STK32B: variants seen among roughly 807,000 people sequenced by gnomAD.
STK32B encodes serine/threonine kinase 32B, also known as serine/threonine-protein kinase 32B.
A neutral mutation model predicts 52.6 loss-of-function variants in STK32B; 43 were observed. That is an observed-to-expected ratio of 0.82 (90% CI 0.64 to 1.05). The LOEUF is 1.05. STK32B is among the 50% of genes least tolerant of loss of function. The pLI is 0.00. For missense variants in STK32B, 621 were observed against 534.6 expected, an observed-to-expected ratio of 1.16 and a Z score of -1.59; for synonymous variants, 238 against 204.3, an observed-to-expected ratio of 1.17 and a Z score of -1.41.
intron 1 of STK32B, among the ~76,000 whole-genome samples, chr4:5,061,934 G>A (rs2108758868): frequency 6.6e-6 from 1 of 152,212 alleles, no homozygotes. Context: ...CCTTTCTCCT[G>A]GATATTTGTC....
At chr4:5,260,767 G>T (rs1453384609) in intron 3 of STK32B, among the ~76,000 whole-genome samples, 1 of 152,172 alleles carries the variant, frequency 6.6e-6, no homozygotes, top group African/African-American at 2.4e-5. Flanking sequence ...ATGGAAGTTA[G>T]CAAGAAGGAG....
intron 4 of STK32B, among the ~76,000 whole-genome samples, chr4:5,360,576 G>A (rs935013188): frequency 6.6e-6 from 1 of 152,144 alleles, no homozygotes; most frequent in Admixed American, 6.5e-5. Flanking sequence ...GATGCAAGAG[G>A]TACACAGCAT....
Position 5,122,739 on chromosome 4 carries a change from A to C in STK32B, c.53-17166A>C, listed in dbSNP as rs570610840. On this transcript the variant is annotated intron_variant, in intron 1 of 11. Transcript: ENST00000282908. ...AACGCTTGGAGGACTTACTGTGTGC[A>C]GGTCCTGGCTCTCATTGAGGTTGCT... Among the ~76,000 whole-genome samples, 3 of 152,270 alleles carry C rather than the reference A, an allele frequency of 2.0e-5. No individual in the cohort carries two copies. The South Asian group carries it at 6.2e-4, about 32-fold the overall frequency.
At chr4:5,459,280 G>T (rs1215830008) in intron 8 of STK32B, among the ~76,000 whole-genome samples, 4 of 90,220 alleles carry the variant, frequency 4.4e-5, no homozygotes, top group East Asian at 5.9e-4. Context: ...GGACCCTGGT[G>T]TGCCCCCCCC....
intron 6 of STK32B, among the ~76,000 whole-genome samples, chr4:5,443,342 C>T (rs1170433578): frequency 6.6e-6 from 1 of 151,812 alleles, no homozygotes; most frequent in Non-Finnish European, 1.5e-5. Flanking sequence ...CTTCTCGCTT[C>T]ATTTCATTCA....
chr4:5,127,928 C>T (rs556816128), intron 1 of STK32B, among the ~76,000 whole-genome samples: 21 of 152,286 alleles, frequency 1.4e-4, no homozygotes, highest in Admixed American at 7.8e-4. Context: ...TTCCCCTACA[C>T]GAGCTCTCTT....
At position 5,125,903 on chromosome 4, in the gene STK32B, C is replaced by T. The variant is rs370637431; in HGVS notation, c.53-14002C>T. On this transcript the variant is annotated intron_variant, in intron 1 of 11. Coordinates refer to ENST00000282908, the MANE Select transcript of STK32B (RefSeq NM_018401.3). ...CTTATTCCCATCTAGGAGAATTGTT[C>T]AGTGATCTGCCCCCATCAGATCTAC... Among the ~76,000 whole-genome samples, 24 of 152,272 alleles carry T rather than the reference C, an allele frequency of 1.6e-4. No homozygotes were observed. In the East Asian group the frequency reaches 3.1e-3, roughly 20 times the overall value.
intron 3 of STK32B, among the ~76,000 whole-genome samples, chr4:5,213,574 C>T (rs554900127): frequency 5.9e-5 from 9 of 152,188 alleles, no homozygotes; most frequent in Non-Finnish European, 1.3e-4. Context: ...TTGATGAACA[C>T]GGTTTGGGTG....
intron 1 of STK32B, among the ~76,000 whole-genome samples, chr4:5,114,129 T>C (rs1714578682): frequency 6.6e-6 from 1 of 151,950 alleles, no homozygotes; most frequent in African/African-American, 2.4e-5. Context: ...ATCAGCATCA[T>C]GTCTTCAACC....
chr4:5,438,125 G>A (rs138002822), intron 6 of STK32B: 2 of 985,454 alleles, frequency 2.0e-6, no homozygotes, highest in South Asian at 4.7e-5. Flanking sequence ...CTGCACTGCT[G>A]GGTGCACCCT....
At chr4:5,211,109 T>A (rs1397345408) in intron 3 of STK32B, among the ~76,000 whole-genome samples, 1 of 152,186 alleles carries the variant, frequency 6.6e-6, no homozygotes, top group Non-Finnish European at 1.5e-5. Flanking sequence ...ATACTTCTTA[T>A]ATCCCCTGTC....
At chr4:5,138,658 G>C (rs1716222333) in intron 1 of STK32B, among the ~76,000 whole-genome samples, 1 of 152,168 alleles carries the variant, frequency 6.6e-6, no homozygotes, top group African/African-American at 2.4e-5. Context: ...GTCTAGTAGG[G>C]AAAAGTGAAC....
intron 5 of STK32B, among the ~76,000 whole-genome samples, chr4:5,415,479 A>G (rs1712082634): frequency 6.6e-6 from 1 of 152,168 alleles, no homozygotes; most frequent in South Asian, 2.1e-4. Flanking sequence ...GGATGGTTGA[A>G]TAGAGACATA....
chr4:5,293,323 T>TATATA (rs1196923414), intron 3 of STK32B, among the ~76,000 whole-genome samples: 1 of 152,064 alleles, frequency 6.6e-6, no homozygotes. Flanking sequence ...CATTACTGGG[T>TATATA]CAAATGGTAT....
At chr4:5,216,390 G>A (rs188257031) in intron 3 of STK32B, among the ~76,000 whole-genome samples, 153 of 152,336 alleles carry the variant, frequency 1.0e-3, no homozygotes, top group Middle Eastern at 3.4e-3. Context: ...GTATGGTCCA[G>A]TGGAACTTAC....
chr4:5,082,623 C>A (rs1712501480), intron 1 of STK32B, among the ~76,000 whole-genome samples: 1 of 152,128 alleles, frequency 6.6e-6, no homozygotes, highest in African/African-American at 2.4e-5. Flanking sequence ...TGAATGAATA[C>A]ATGTGCATTT....
chr4:5,175,689 G>A (rs546965222), intron 3 of STK32B, among the ~76,000 whole-genome samples: 10 of 152,300 alleles, frequency 6.6e-5, no homozygotes, highest in Admixed American at 3.3e-4. Flanking sequence ...GTACCCGGCC[G>A]TGTGAGGTGT....
chr4:5,161,250 G>C (rs1371456984), intron 2 of STK32B, among the ~76,000 whole-genome samples: 1 of 152,188 alleles, frequency 6.6e-6, no homozygotes, highest in Non-Finnish European at 1.5e-5. Context: ...CCATTGATGA[G>C]AGCCCACATG....
chr4:5,144,421 A>T (rs1008108551), intron 2 of STK32B, among the ~76,000 whole-genome samples: 1 of 152,152 alleles, frequency 6.6e-6, no homozygotes, highest in Non-Finnish European at 1.5e-5. Context: ...GGAGTGAGGA[A>T]GGGAGACTTT....
Sources: gnomAD v4.1 joint callset for allele counts (sites outside exome capture counted in the v4.1 genomes callset) on GRCh38, gnomAD v4.1.1 for gene constraint, MANE v1.5 for transcripts, NCBI Gene and HGNC (gene_info 2026-07-23, HGNC 2026-07-21) for gene names.